ODR4: variants seen among roughly 807,000 people sequenced by gnomAD.
The protein encoded by ODR4 is protein odr-4 homolog.
Under a neutral mutation model 60.2 loss-of-function variants are expected in ODR4, and 47 were observed. That is an observed-to-expected ratio of 0.78 (90% CI 0.62 to 1.00). The LOEUF is 1.00. Ranked by LOEUF, ODR4 falls within the 50% of genes least tolerant of loss-of-function variation. The pLI is 0.00. For synonymous variants in ODR4, 178 were observed against 175.5 expected, an observed-to-expected ratio of 1.01 and a Z score of -0.11; for missense variants, 488 against 530.8, an observed-to-expected ratio of 0.92 and a Z score of 0.79.
Position 186,391,795 on chromosome 1 carries a change from A to G in ODR4, c.711+4A>G. On this transcript the variant is annotated splice_donor_region_variant and intron_variant, in intron 8 of 13. Transcript: ENST00000287859. ...TTGTGACCTATTAGAAGGACAGGTA[A>G]GTTAAGAGAAAATCATCTTATTAAA... 6.6e-7 allele frequency: 1 copy of G among 1,525,816 alleles called. No individual in the cohort carries two copies. Among genetic ancestry groups the G allele is most frequent in the Non-Finnish European group, 9.0e-7 (1 of 1,108,480 alleles). 94.5% of individuals were successfully genotyped at this position (1,525,816 alleles called of 1,614,324 possible). A position where few individuals can be genotyped will look rare whatever the true frequency, so the allele number is the denominator to read the frequency against.
chr1:186,404,972 A>G (rs1000810641), intron 11 of ODR4, among the ~76,000 whole-genome samples: 2 of 152,232 alleles, frequency 1.3e-5, no homozygotes, highest in Admixed American at 6.5e-5. Flanking sequence ...AAGTAATTAT[A>G]TATTTACATG....
intron 9 of ODR4, 99 bp from the exon 10 acceptor site, chr1:186,398,213 AC>A: frequency 8.9e-7 from 1 of 1,121,702 alleles, no homozygotes. Flanking sequence ...CTCAGTCAAA[AC>A]TTTGTTCTCT....
At chr1:186,399,393 G>C (rs375567871) in intron 11 of ODR4, among the ~76,000 whole-genome samples, 2 of 151,932 alleles carry the variant, frequency 1.3e-5, no homozygotes, top group African/African-American at 4.8e-5. Context: ...TGTTTTTTTA[G>C]AGACAGGGTT....
chr1:186,379,468 T>G (rs757831571), intron 1 of ODR4, among the ~76,000 whole-genome samples: 43 of 136,812 alleles, frequency 3.1e-4, no homozygotes, highest in Non-Finnish European at 6.5e-4. Context: ...AAAAAAGAAA[T>G]CTGGTGTGTT....
chr1:186,392,782 C>G (rs1050226819), intron 8 of ODR4, among the ~76,000 whole-genome samples: 1 of 152,126 alleles, frequency 6.6e-6, no homozygotes, highest in Non-Finnish European at 1.5e-5. Context: ...GTGGGCAGAT[C>G]ACTTGAGGTC....
chr1:186,391,900 A>G, intron 8 of ODR4, 109 bp downstream of exon 8: 2 of 658,518 alleles, frequency 3.0e-6, no homozygotes, highest in Non-Finnish European at 5.2e-6. Flanking sequence ...TCTACCTCTC[A>G]TTTCTGATTT....
At chr1:186,422,780 G>A (rs926029476), downstream of ODR4, among the ~76,000 whole-genome samples, 1 of 152,100 alleles carries the variant, frequency 6.6e-6, no homozygotes, top group Admixed American at 6.5e-5. Context: ...GACTAAATGT[G>A]CAACTTAGAA....
rs1193799792 is a variant in ODR4 at position 186,420,244 on chromosome 1, A to C, written c.*1168A>C. ...GGCAGATACCAATAGCAACATTGTC[A>C]TATGCAGTTTGCCTCAAATCAGAAA... On this transcript the variant is annotated 3_prime_UTR_variant, in exon 14 of 14. Transcript: ENST00000287859. 6.6e-6 allele frequency: 1 copy of C among 152,250 alleles called. No individual in the cohort carries two copies. The highest frequency in any genetic ancestry group is 2.4e-5 in the African/African-American group (1 of 41,468). 9.4% of individuals were successfully genotyped at this position (152,250 alleles called of 1,614,324 possible).
intron 4 of ODR4, among the ~76,000 whole-genome samples, chr1:186,386,800 G>A (rs181277056): frequency 1.4e-3 from 215 of 152,138 alleles, no homozygotes; most frequent in Middle Eastern, 3.4e-3. Flanking sequence ...TCAATTCTCC[G>A]GAGATCCTGA....
At chr1:186,427,204 A>C in the ODR4 span, among the ~76,000 whole-genome samples, 3 of 152,138 alleles carry the variant, frequency 2.0e-5, no homozygotes, top group African/African-American at 7.2e-5. Flanking sequence ...TTCATGAAAG[A>C]TTTTTCTGTA....
At chr1:186,391,519 G>A (rs1014199684) in intron 7 of ODR4, among the ~76,000 whole-genome samples, 177 bp from the exon 8 acceptor site, 1 of 148,736 alleles carries the variant, frequency 6.7e-6, no homozygotes, top group Non-Finnish European at 1.5e-5. Flanking sequence ...AATATAATAA[G>A]GTATCAAGAA....
chr1:186,421,905 A>G (rs977298363), downstream of ODR4, among the ~76,000 whole-genome samples: 2 of 151,892 alleles, frequency 1.3e-5, no homozygotes. Context: ...AAAGGAAAAG[A>G]AATTTATTTA....
downstream of ODR4, among the ~76,000 whole-genome samples, chr1:186,422,451 A>G (rs1207406912): frequency 1.3e-5 from 2 of 152,222 alleles, no homozygotes; most frequent in Non-Finnish European, 2.9e-5. Context: ...CTGATTCAAT[A>G]AACATTTAGA....
intron 2 of ODR4, among the ~76,000 whole-genome samples, chr1:186,382,549 A>G (rs948022736): frequency 1.7e-4 from 26 of 152,228 alleles, no homozygotes; most frequent in African/African-American, 6.0e-4. Context: ...ATTCTGTGGA[A>G]ATGTATGTGG....
At chr1:186,380,693 T>C (rs972179720) in intron 2 of ODR4, among the ~76,000 whole-genome samples, 4 of 152,136 alleles carry the variant, frequency 2.6e-5, no homozygotes, top group Non-Finnish European at 5.9e-5. Context: ...AAAGCTCTTA[T>C]TGGGACAATT....
At chr1:186,405,453 C>T (rs1393715010) in intron 11 of ODR4, among the ~76,000 whole-genome samples, 1 of 152,186 alleles carries the variant, frequency 6.6e-6, no homozygotes, top group African/African-American at 2.4e-5. Context: ...TTTCTGACAT[C>T]AAGGACAAAA....
At chr1:186,388,583 A>G in intron 5 of ODR4, 35 bp downstream of exon 5, 1 of 1,194,834 alleles carries the variant, frequency 8.4e-7, no homozygotes. Context: ...TAAAAGTACA[A>G]AGTACCAAAA....
the ODR4 span, among the ~76,000 whole-genome samples, chr1:186,432,252 T>C: frequency 2.0e-5 from 3 of 152,206 alleles, no homozygotes; most frequent in African/African-American, 7.2e-5. Context: ...TCATGTTTTA[T>C]CTTTTACATA....
chr1:186,394,132 T>G (rs1660579364), intron 9 of ODR4, 117 bp downstream of exon 9: 1 of 624,530 alleles, frequency 1.6e-6, no homozygotes, highest in South Asian at 2.3e-5. Flanking sequence ...AGAGACTGTA[T>G]GAAATGGCTG....
Sources: gnomAD v4.1 joint callset for allele counts (sites outside exome capture counted in the v4.1 genomes callset) on GRCh38, gnomAD v4.1.1 for gene constraint, MANE v1.5 for transcripts, NCBI Gene and HGNC (gene_info 2026-07-23, HGNC 2026-07-21) for gene names.